Variants in PPP1R12B observed in about 807,000 individuals in gnomAD.
PPP1R12B encodes the protein protein phosphatase 1 regulatory subunit 12B, also known as myosin phosphatase target subunit 2.
A neutral mutation model predicts 126.1 loss-of-function variants in PPP1R12B; 76 were observed. That is an observed-to-expected ratio of 0.60 (90% CI 0.50 to 0.73). The LOEUF is 0.73. Ranked by LOEUF, PPP1R12B falls within the 30% of genes least tolerant of loss-of-function variation. The pLI is 0.00. For synonymous variants in PPP1R12B, 356 were observed against 434.7 expected, an observed-to-expected ratio of 0.82 and a Z score of 2.25; for missense variants, 1,052 against 1,205.1, an observed-to-expected ratio of 0.87 and a Z score of 1.88.
intron 23 of PPP1R12B, among the ~76,000 whole-genome samples, chr1:202,571,136 T>C (rs749227535): frequency 8.0e-4 from 122 of 152,178 alleles, no homozygotes; most frequent in Non-Finnish European, 1.4e-3. Context: ...CCCTTTGTTA[T>C]TTTTATTCCA....
chr1:202,457,402 A>G (rs928911573), intron 13 of PPP1R12B, among the ~76,000 whole-genome samples: 1 of 151,956 alleles, frequency 6.6e-6, no homozygotes, highest in African/African-American at 2.4e-5. Flanking sequence ...AAATACAAAA[A>G]ATTAGCTGGG....
intron 1 of PPP1R12B, among the ~76,000 whole-genome samples, chr1:202,369,350 A>G (rs977431978): frequency 6.6e-6 from 1 of 152,260 alleles, no homozygotes; most frequent in Non-Finnish European, 1.5e-5. Flanking sequence ...TTACTGAATC[A>G]GAATTACTGT....
chr1:202,539,822 G>A (rs1684922447), intron 18 of PPP1R12B: 1 of 179,556 alleles, frequency 5.6e-6, no homozygotes, highest in African/African-American at 2.4e-5. Context: ...TGTCCTTTGA[G>A]GAGAATCAAG....
In PPP1R12B at chr1:202,565,162, T is replaced by A. The variant is rs1304291114; in HGVS notation, c.2757+615T>A. 1.3e-5 allele frequency among the ~76,000 whole-genome samples: 2 copies of A among 152,228 alleles called. No individual in the cohort carries two copies. The highest frequency in any genetic ancestry group is 2.9e-5 in the Non-Finnish European group (2 of 68,042). On this transcript the variant is annotated intron_variant, in intron 21 of 23. Coordinates refer to ENST00000608999, the MANE Select transcript of PPP1R12B (RefSeq NM_002481.4). The surrounding 1 kb of genome is among the most constrained non-coding windows in gnomAD (Gnocchi z 4.3). ...AAACTATTTCCTCTCACTGCCAGGT[T>A]TGATTTAATTAGATGATGCTTTAGA...
chr1:202,381,467 G>A (rs555346577), intron 1 of PPP1R12B, among the ~76,000 whole-genome samples: 12 of 108,396 alleles, frequency 1.1e-4, no homozygotes, highest in Non-Finnish European at 1.7e-4. Flanking sequence ...CTCCAGCCTA[G>A]GCCAAGACTA....
intron 1 of PPP1R12B, among the ~76,000 whole-genome samples, chr1:202,395,131 A>AAAAAG (rs1664769132): frequency 2.0e-5 from 3 of 151,470 alleles, no homozygotes; most frequent in Admixed American, 1.3e-4. Flanking sequence ...AAAAAAAAAA[A>AAAAAG]AAAGAAAGAA....
intron 1 of PPP1R12B, among the ~76,000 whole-genome samples, chr1:202,371,481 AGTGT>A (rs373210842): frequency 2.7e-5 from 4 of 148,508 alleles, no homozygotes; most frequent in Non-Finnish European, 6.0e-5. Flanking sequence ...CATTATTTGG[AGTGT>A]GTGTGTGTGT....
At position 202,422,651 on chromosome 1, in the gene PPP1R12B, A is replaced by C. The variant is rs1202291260; in HGVS notation, c.454A>C (p.Ile152Leu). The part of the protein sequence containing the change: ...YFINHGASVG[I>L]VNSEGEVPSD... ...CATTAATCACGGAGCCAGTGTAGGTATTGTCAATAGTGAAGGTGAAGTTCC... is the reference window on the plus strand; with the variant it reads ...CATTAATCACGGAGCCAGTGTAGGTCTTGTCAATAGTGAAGGTGAAGTTCC... Residue 152 changes from isoleucine to leucine, a missense_variant, in exon 3 of 24, where the codon ATT becomes CTT. By Grantham distance (5) the Ile-to-Leu change is conservative. Coordinates refer to ENST00000608999, the MANE Select transcript of PPP1R12B (RefSeq NM_002481.4). 1 of 1,613,836 alleles carries C rather than the reference A, an allele frequency of 6.2e-7. No homozygotes were observed. Among genetic ancestry groups the C allele is most frequent in the Non-Finnish European group, 8.5e-7 (1 of 1,179,766 alleles).
chr1:202,397,498 A>C (rs1372693413), intron 1 of PPP1R12B, among the ~76,000 whole-genome samples: 1 of 152,242 alleles, frequency 6.6e-6, no homozygotes, highest in Non-Finnish European at 1.5e-5. Context: ...CAAATAGACC[A>C]GAAAAAATAT....
intron 22 of PPP1R12B, among the ~76,000 whole-genome samples, chr1:202,568,652 G>A (rs1688293984): frequency 6.6e-6 from 1 of 152,156 alleles, no homozygotes; most frequent in East Asian, 1.9e-4. Flanking sequence ...CAACTACAGG[G>A]GGAGGGAAGA....
chr1:202,515,857 G>A (rs1225610589), intron 18 of PPP1R12B, among the ~76,000 whole-genome samples: 6 of 152,150 alleles, frequency 3.9e-5, no homozygotes, highest in African/African-American at 9.7e-5. Context: ...ACCTGGCCTC[G>A]TAGTGTTGGT....
chr1:202,485,102 G>C (rs1482372343), intron 13 of PPP1R12B, among the ~76,000 whole-genome samples: 1 of 152,202 alleles, frequency 6.6e-6, no homozygotes, highest in Non-Finnish European at 1.5e-5. Flanking sequence ...GTGCAGTGCA[G>C]GTATGTACCG....
At chr1:202,579,767 A>G (rs368908546) in intron 23 of PPP1R12B, among the ~76,000 whole-genome samples, 8 of 152,170 alleles carry the variant, frequency 5.3e-5, no homozygotes, top group African/African-American at 1.9e-4. Flanking sequence ...GCCTCTGGGT[A>G]TCCTTTGGTG....
At chr1:202,517,367 T>C (rs1682271227) in intron 18 of PPP1R12B, among the ~76,000 whole-genome samples, 1 of 152,184 alleles carries the variant, frequency 6.6e-6, no homozygotes, top group African/African-American at 2.4e-5. Context: ...AAAAGCACAT[T>C]ACAGTGTTCC....
At chr1:202,516,032 A>G (rs1185677246) in intron 18 of PPP1R12B, among the ~76,000 whole-genome samples, 2 of 152,212 alleles carry the variant, frequency 1.3e-5, no homozygotes, top group African/African-American at 2.4e-5. Flanking sequence ...GCCAAATTAT[A>G]TACTCCCTGT....
At chr1:202,385,231 C>A (rs1662935709) in intron 1 of PPP1R12B, among the ~76,000 whole-genome samples, 1 of 152,180 alleles carries the variant, frequency 6.6e-6, no homozygotes, top group East Asian at 1.9e-4. Flanking sequence ...AAAATTACAT[C>A]TGAACAATTT....
intron 20 of PPP1R12B, 141 bp downstream of exon 20, chr1:202,563,063 C>T (rs1687692039): frequency 1.0e-6 from 1 of 996,782 alleles, no homozygotes; most frequent in South Asian, 2.7e-5. Flanking sequence ...TTGCAGTTTT[C>T]TGGGTTTACT....
intron 18 of PPP1R12B, among the ~76,000 whole-genome samples, chr1:202,535,672 A>T (rs1299674786): frequency 1.3e-5 from 2 of 152,200 alleles, no homozygotes; most frequent in African/African-American, 4.8e-5. Context: ...AATAAAATAG[A>T]TGAACTCAAC....
chr1:202,444,766 C>T (rs1048681498), intron 12 of PPP1R12B, among the ~76,000 whole-genome samples: 1 of 152,156 alleles, frequency 6.6e-6, no homozygotes, highest in Non-Finnish European at 1.5e-5. Flanking sequence ...TTCCCTCATT[C>T]AGTATCATCT....
Sources: gnomAD v4.1 joint callset for allele counts (sites outside exome capture counted in the v4.1 genomes callset) on GRCh38, gnomAD v4.1.1 for gene constraint, Gnocchi (gnomAD v3.1) non-coding constraint, MANE v1.5 for transcripts, NCBI Gene and HGNC (gene_info 2026-07-23, HGNC 2026-07-21) for gene names.